CDH12: variants seen among roughly 807,000 people sequenced by gnomAD.
CDH12 encodes the protein cadherin 12.
Under a neutral mutation model 74.1 loss-of-function variants are expected in CDH12, and 41 were observed. The ratio of observed to expected loss-of-function variants is 0.55; its 90% CI spans 0.43 to 0.72. The LOEUF is 0.72. Among genes scored for constraint, CDH12 ranks in the 30% least tolerant of loss-of-function variants. The pLI, the probability that CDH12 is intolerant of heterozygous loss-of-function variation, is 0.00. For synonymous variants in CDH12, 399 were observed against 355.0 expected (o/e 1.12, Z -1.39); for missense variants, 945 against 977.2 (o/e 0.97, Z 0.44).
intron 11 of CDH12, among the ~76,000 whole-genome samples, chr5:21,777,298 A>G (rs1368663892): frequency 6.6e-6 from 1 of 152,088 alleles, no homozygotes; most frequent in Non-Finnish European, 1.5e-5. Flanking sequence ...TGTACATAAT[A>G]TCACACACAT....
intron 3 of CDH12, among the ~76,000 whole-genome samples, chr5:22,340,718 T>A (rs1739813427): frequency 6.6e-6 from 1 of 152,228 alleles, no homozygotes. Flanking sequence ...AATTCTGTTT[T>A]AAATCTTAGT....
chr5:22,806,377 G>C (rs1337578498), intron 1 of CDH12, among the ~76,000 whole-genome samples: 1 of 142,894 alleles, frequency 7.0e-6, no homozygotes, highest in Non-Finnish European at 1.5e-5. Context: ...TTTTGAGATG[G>C]AGTCTCGCTC....
At chr5:22,644,894 A>C (rs752265266) in intron 1 of CDH12, among the ~76,000 whole-genome samples, 12 of 152,062 alleles carry the variant, frequency 7.9e-5, no homozygotes, top group Non-Finnish European at 1.8e-4. Flanking sequence ...TCTGTGCTCT[A>C]TAAATGGAAC....
intron 6 of CDH12, among the ~76,000 whole-genome samples, chr5:21,870,265 T>C (rs1042900337): frequency 6.6e-6 from 1 of 152,134 alleles, no homozygotes; most frequent in Admixed American, 6.5e-5. Context: ...ACCTAGAGAA[T>C]TGGGAAAGCA....
chr5:22,240,010 T>A (rs1752691813), intron 3 of CDH12, among the ~76,000 whole-genome samples: 1 of 152,170 alleles, frequency 6.6e-6, no homozygotes, highest in Non-Finnish European at 1.5e-5. Flanking sequence ...TATAAAATAT[T>A]GTAGCATGTG....
chr5:22,537,702 C>T (rs1266227568), intron 1 of CDH12, among the ~76,000 whole-genome samples: 1 of 152,160 alleles, frequency 6.6e-6, no homozygotes, highest in Admixed American at 6.6e-5. Context: ...TAAGCTCTCT[C>T]ACTCTAAAAA....
At chr5:22,230,386 C>T (rs1323162001) in intron 3 of CDH12, among the ~76,000 whole-genome samples, 1 of 152,034 alleles carries the variant, frequency 6.6e-6, no homozygotes, top group Non-Finnish European at 1.5e-5. Flanking sequence ...TTCATATTCT[C>T]ACCACTGCCA....
intron 1 of CDH12, among the ~76,000 whole-genome samples, chr5:22,710,954 G>A (rs1486488146): frequency 6.6e-6 from 1 of 152,112 alleles, no homozygotes; most frequent in South Asian, 2.1e-4. Flanking sequence ...GTTATGTAAT[G>A]TATTGTCTGG....
chr5:22,228,483 A>G (rs571789146), intron 3 of CDH12, among the ~76,000 whole-genome samples: 1 of 152,272 alleles, frequency 6.6e-6, no homozygotes, highest in Admixed American at 6.5e-5. Context: ...ACTTCAGATT[A>G]CCCCTCTGTA....
At position 21,949,994 on chromosome 5, in the gene CDH12, C is replaced by T. The variant is rs566742319; in HGVS notation, c.526+25097G>A. ...CTCACTCACCACTTACTCACTAACT[C>T]TCCCAGAGCAACTCCTAGTCCTGCA... On this transcript the variant is annotated intron_variant, in intron 6 of 14. Transcript: ENST00000382254. 2.6e-5 allele frequency among the ~76,000 whole-genome samples: 4 copies of T among 152,320 alleles called. No individual in the cohort carries two copies. In the South Asian group the frequency reaches 8.3e-4, roughly 32 times the overall value.
intron 1 of CDH12, among the ~76,000 whole-genome samples, chr5:22,717,740 T>C (rs935852129): frequency 6.6e-6 from 1 of 152,186 alleles, no homozygotes; most frequent in Admixed American, 6.5e-5. Flanking sequence ...TAAACTTCTA[T>C]TTGTTCTAAG....
chr5:21,867,518 A>T (rs1751394051), intron 6 of CDH12, among the ~76,000 whole-genome samples: 1 of 152,202 alleles, frequency 6.6e-6, no homozygotes, highest in African/African-American at 2.4e-5. Flanking sequence ...TGTGACCTGG[A>T]TGTGAGACAT....
chr5:21,947,817 A>T (rs1755648130), intron 6 of CDH12, among the ~76,000 whole-genome samples: 1 of 152,214 alleles, frequency 6.6e-6, no homozygotes, highest in Admixed American at 6.5e-5. Flanking sequence ...CTCTGAGGAA[A>T]AAAGGTTTCA....
intron 3 of CDH12, among the ~76,000 whole-genome samples, chr5:22,351,563 A>C (rs1740356268): frequency 6.6e-6 from 1 of 152,252 alleles, no homozygotes; most frequent in Admixed American, 6.5e-5. Flanking sequence ...TTTATTAATG[A>C]TTTAACGAGA....
chr5:22,412,795 A>G (rs73058194), intron 2 of CDH12, among the ~76,000 whole-genome samples: 1,819 of 152,080 alleles, frequency 0.012, 31 homozygotes, highest in African/African-American at 0.042. Context: ...TTTTTATGCC[A>G]AAGGACATTT....
intron 1 of CDH12, among the ~76,000 whole-genome samples, chr5:22,589,318 G>A (rs1484682042): frequency 6.6e-6 from 1 of 152,130 alleles, no homozygotes; most frequent in African/African-American, 2.4e-5. Flanking sequence ...GTGTCATCAG[G>A]TCAAGACCAA....
intron 2 of CDH12, among the ~76,000 whole-genome samples, chr5:22,469,868 A>G (rs2126603186): frequency 6.6e-6 from 1 of 152,334 alleles, no homozygotes; most frequent in East Asian, 1.9e-4. Context: ...GCAATCTCAT[A>G]GCAAAGTTTC....
intron 2 of CDH12, among the ~76,000 whole-genome samples, chr5:22,468,918 G>A (rs1332285482): frequency 6.6e-6 from 1 of 152,120 alleles, no homozygotes; most frequent in Non-Finnish European, 1.5e-5. Flanking sequence ...CACTTTCTAT[G>A]TTCCTTTCAC....
intron 2 of CDH12, among the ~76,000 whole-genome samples, chr5:22,498,534 G>A (rs1747198037): frequency 6.6e-6 from 1 of 151,730 alleles, no homozygotes; most frequent in African/African-American, 2.4e-5. Context: ...AAAATGAAAG[G>A]GGCAAAGTGA....
Sources: allele counts gnomAD v4.1 joint callset (sites outside exome capture counted in the v4.1 genomes callset), GRCh38; gene constraint gnomAD v4.1.1; transcripts MANE v1.5; gene names NCBI Gene and HGNC (gene_info 2026-07-23, HGNC 2026-07-21).